The following LUZP2 variants were observed in gnomAD, a reference collection of about 807,000 sequenced individuals.
LUZP2 encodes leucine zipper protein 2.
A neutral mutation model predicts 51.6 loss-of-function variants in LUZP2; 52 were observed. The ratio of observed to expected loss-of-function variants is 1.01; its 90% CI spans 0.81 to 1.27. The LOEUF (loss-of-function observed/expected upper bound fraction) is 1.27. Ranked by LOEUF, LUZP2 falls within the 50% of genes most tolerant of loss-of-function variation. The pLI is 0.00. For missense variants in LUZP2, 436 were observed against 395.4 expected (o/e 1.10, Z -0.87); for synonymous variants, 154 against 137.3 (o/e 1.12, Z -0.85).
intron 3 of LUZP2, among the ~76,000 whole-genome samples, chr11:24,734,239 CT>C (rs1858840725): frequency 8.5e-6 from 1 of 118,262 alleles, no homozygotes; most frequent in Non-Finnish European, 1.8e-5. Flanking sequence ...CCTTTCCTTA[CT>C]ACAGGAGGGA....
At chr11:24,936,729 G>T (rs1221102665) in intron 7 of LUZP2, among the ~76,000 whole-genome samples, 1 of 151,954 alleles carries the variant, frequency 6.6e-6, no homozygotes, top group Non-Finnish European at 1.5e-5. Context: ...TATCTGTGTG[G>T]TGCAGGATTT....
chr11:24,782,903 C>G (rs899346147), intron 5 of LUZP2, among the ~76,000 whole-genome samples: 1 of 151,908 alleles, frequency 6.6e-6, no homozygotes, highest in Non-Finnish European at 1.5e-5. Flanking sequence ...AGTCAGAACA[C>G]ATTCTGAAAC....
At chr11:24,641,004 GA>G (rs1855262962) in intron 1 of LUZP2, among the ~76,000 whole-genome samples, 2 of 100,200 alleles carry the variant, frequency 2.0e-5, no homozygotes, top group Admixed American at 9.7e-5. Flanking sequence ...TATAGATATA[GA>G]TATAGATATA....
chr11:24,796,084 GT>G (rs1322479260), intron 5 of LUZP2, among the ~76,000 whole-genome samples: 1 of 151,996 alleles, frequency 6.6e-6, no homozygotes, highest in Non-Finnish European at 1.5e-5. Context: ...AAGCAACTTT[GT>G]TTTTTGAGTG....
At chr11:24,623,857 G>A (rs1014671338) in intron 1 of LUZP2, among the ~76,000 whole-genome samples, 4 of 152,032 alleles carry the variant, frequency 2.6e-5, no homozygotes, top group African/African-American at 4.8e-5. Context: ...AAAAATTAAA[G>A]AAAATGTCGA....
At chr11:25,038,773 C>G (rs1398434916) in intron 9 of LUZP2, among the ~76,000 whole-genome samples, 1 of 152,146 alleles carries the variant, frequency 6.6e-6, no homozygotes. Context: ...TCTGGAAGGG[C>G]TAGCATTTCT....
intron 5 of LUZP2, among the ~76,000 whole-genome samples, chr11:24,902,803 A>T (rs2133781899): frequency 6.6e-6 from 1 of 152,312 alleles, no homozygotes; most frequent in South Asian, 2.1e-4. Context: ...TATTTGCTAT[A>T]ATTTATATCA....
At chr11:24,535,863 C>T (rs1052719084) in intron 1 of LUZP2, among the ~76,000 whole-genome samples, 3 of 151,676 alleles carry the variant, frequency 2.0e-5, no homozygotes, top group African/African-American at 7.3e-5. Flanking sequence ...TCATGTCTAT[C>T]AGAGGAATCA....
chr11:24,835,163 T>C (rs1013469400), intron 5 of LUZP2, among the ~76,000 whole-genome samples: 5 of 151,988 alleles, frequency 3.3e-5, no homozygotes, highest in Non-Finnish European at 5.9e-5. Flanking sequence ...CACACATCTA[T>C]AACCATCTGA....
chr11:25,007,434 C>G (rs1403835642), intron 9 of LUZP2, among the ~76,000 whole-genome samples: 1 of 152,116 alleles, frequency 6.6e-6, no homozygotes, highest in Non-Finnish European at 1.5e-5. Flanking sequence ...GAAACCCCAT[C>G]TCTACTAAAA....
intron 9 of LUZP2, among the ~76,000 whole-genome samples, chr11:24,993,799 G>A (rs1175708896): frequency 6.6e-6 from 1 of 151,420 alleles, no homozygotes; most frequent in Non-Finnish European, 1.5e-5. Context: ...GATTTCATTT[G>A]CAGCACAGAA....
intron 9 of LUZP2, among the ~76,000 whole-genome samples, chr11:24,986,845 A>T (rs1856201314): frequency 6.6e-6 from 1 of 151,752 alleles, no homozygotes; most frequent in Admixed American, 6.6e-5. Flanking sequence ...ATCACCAAGA[A>T]TCCTACCACT....
chr11:25,043,068 C>T (rs1858125153), intron 9 of LUZP2, among the ~76,000 whole-genome samples: 1 of 152,148 alleles, frequency 6.6e-6, no homozygotes, highest in Admixed American at 6.5e-5. Flanking sequence ...AGATGGCCAT[C>T]TGCAAGCTCG....
chr11:24,897,057 C>T (rs961628313), intron 5 of LUZP2, among the ~76,000 whole-genome samples: 3 of 152,136 alleles, frequency 2.0e-5, no homozygotes, highest in African/African-American at 7.2e-5. Flanking sequence ...TTTGTAAACA[C>T]ACCAATCAGT....
At chr11:24,843,065 T>G (rs1003299355) in intron 5 of LUZP2, among the ~76,000 whole-genome samples, 1 of 151,682 alleles carries the variant, frequency 6.6e-6, no homozygotes, top group African/African-American at 2.4e-5. Flanking sequence ...TAAGTGCAAA[T>G]GCCAAAATAT....
At chr11:24,919,888 A>G (rs552760377) in intron 7 of LUZP2, among the ~76,000 whole-genome samples, 3 of 151,716 alleles carry the variant, frequency 2.0e-5, no homozygotes, top group African/African-American at 7.2e-5. Context: ...TGAATTTAAG[A>G]ATTATTTTAT....
intron 5 of LUZP2, chr11:24,890,891 GTTC>G (rs1400226148): frequency 2.9e-5 from 15 of 520,702 alleles, no homozygotes; most frequent in Non-Finnish European, 3.3e-5. Context: ...AGGAGTAAAA[GTTC>G]TTTTTTTTTT....
intron 1 of LUZP2, among the ~76,000 whole-genome samples, chr11:24,562,478 A>T (rs2133775172): frequency 6.6e-6 from 1 of 151,754 alleles, no homozygotes; most frequent in Non-Finnish European, 1.5e-5. Flanking sequence ...AGGAAAAAAA[A>T]AGAAAAGAAA....
At chr11:24,735,803 T>C (rs1389427639) in intron 3 of LUZP2, among the ~76,000 whole-genome samples, 1 of 151,976 alleles carries the variant, frequency 6.6e-6, no homozygotes, top group Non-Finnish European at 1.5e-5. Context: ...AGTTTCAGTT[T>C]AGTACCAAAC....
Sources: allele counts gnomAD v4.1 joint callset (sites outside exome capture counted in the v4.1 genomes callset), GRCh38; gene constraint gnomAD v4.1.1; transcripts MANE v1.5; gene names NCBI Gene and HGNC (gene_info 2026-07-23, HGNC 2026-07-21).